Variants in KHDC4 observed in about 807,000 individuals in gnomAD.
The protein encoded by KHDC4 is KH homology domain-containing protein 4.
Under a neutral mutation model 74.5 loss-of-function variants are expected in KHDC4, and 19 were observed. The observed-to-expected ratio is 0.26, with a 90% confidence interval of 0.18 to 0.37. The LOEUF is 0.37. Ranked by LOEUF, KHDC4 falls within the 10% of genes least tolerant of loss-of-function variation. The pLI is 1.00. For missense variants in KHDC4, 632 were observed against 754.1 expected (o/e 0.84, Z 1.90); for synonymous variants, 253 against 266.1 (o/e 0.95, Z 0.48).
chr1:155,933,933 T>C, intron 1 of KHDC4, 84 bp from the exon 2 acceptor site: 1 of 1,103,958 alleles, frequency 9.1e-7, no homozygotes, highest in South Asian at 1.7e-5. Context: ...CACCCCATTT[T>C]CCCTCTATTA....
chr1:155,931,915 T>C (rs1018265739), intron 2 of KHDC4, among the ~76,000 whole-genome samples: 1 of 152,216 alleles, frequency 6.6e-6, no homozygotes, highest in Non-Finnish European at 1.5e-5. Flanking sequence ...ATAGTACTTA[T>C]CAATGTTGTC....
At chr1:155,924,914 A>G (rs1244972445) in intron 7 of KHDC4, among the ~76,000 whole-genome samples, 1 of 151,328 alleles carries the variant, frequency 6.6e-6, no homozygotes, top group African/African-American at 2.4e-5. Context: ...CCCAGTCTGG[A>G]GTGCAGTGGT....
chr1:155,923,529 A>C, intron 8 of KHDC4, 98 bp downstream of exon 8: 1 of 845,944 alleles, frequency 1.2e-6, no homozygotes, highest in Non-Finnish European at 2.0e-6. Flanking sequence ...AACTTGTTAT[A>C]GCAGTACTAG....
At chr1:155,933,574 G>C in intron 2 of KHDC4, 59 bp downstream of exon 2, 1 of 1,398,480 alleles carries the variant, frequency 7.2e-7, no homozygotes, top group Non-Finnish European at 9.8e-7. Flanking sequence ...GTAAGCCACC[G>C]CGCCCGGCAA....
intron 10 of KHDC4, among the ~76,000 whole-genome samples, chr1:155,918,461 G>C (rs1451474752): frequency 6.6e-6 from 1 of 152,096 alleles, no homozygotes; most frequent in Non-Finnish European, 1.5e-5. Context: ...TTACAGGTGT[G>C]AGCCACTACG....
chr1:155,933,914 A>C, intron 1 of KHDC4, 65 bp from the exon 2 acceptor site: 1 of 1,259,014 alleles, frequency 7.9e-7, no homozygotes, highest in Admixed American at 2.9e-5. Flanking sequence ...TTTCCTTACT[A>C]CGCCTTAGCA....
intron 4 of KHDC4, among the ~76,000 whole-genome samples, chr1:155,928,142 G>T (rs1287228601): frequency 1.3e-5 from 2 of 152,146 alleles, no homozygotes; most frequent in Non-Finnish European, 2.9e-5. Context: ...GGAGGCCGAG[G>T]CAGGGGAACC....
At chr1:155,926,905 T>C in intron 5 of KHDC4, 66 bp from the exon 6 acceptor site, 1 of 1,559,888 alleles carries the variant, frequency 6.4e-7, no homozygotes, top group Non-Finnish European at 8.8e-7. Flanking sequence ...AGGCCAGTGT[T>C]CAATTATTCA....
intron 6 of KHDC4, chr1:155,926,220 G>A (rs746808572): frequency 6.8e-5 from 27 of 399,296 alleles, no homozygotes; most frequent in East Asian, 2.0e-4. Flanking sequence ...TCATTATACC[G>A]TGGAGAGCTG....
In KHDC4 at chr1:155,913,891, C is replaced by T. The variant is rs1673678041; in HGVS notation, c.*230G>A. Reference sequence around the variant, plus strand: ...CATTTCACCAACTGTTAAAAAGCTTCTGAGATAAATTTGTGATTCTAATTA... The same window carrying T: ...CATTTCACCAACTGTTAAAAAGCTTTTGAGATAAATTTGTGATTCTAATTA... On this transcript the variant is annotated 3_prime_UTR_variant, in exon 14 of 14. Coordinates refer to ENST00000368321, the MANE Select transcript of KHDC4 (RefSeq NM_014949.4). The T allele has an allele frequency of 7.5e-6, 4 of 534,158 alleles. No individual in the cohort carries two copies. The East Asian group carries it at 9.4e-5, about 13-fold the overall frequency. 33.1% of individuals were successfully genotyped at this position (534,158 alleles called of 1,614,324 possible).
intron 11 of KHDC4, 125 bp from the exon 12 acceptor site, chr1:155,916,862 G>T: frequency 1.5e-6 from 1 of 646,662 alleles, no homozygotes; most frequent in Non-Finnish European, 2.7e-6. Context: ...CTACTACAAA[G>T]CTCTTTGGGA....
chr1:155,927,992 C>A (rs1440250056), intron 4 of KHDC4, among the ~76,000 whole-genome samples: 2 of 151,868 alleles, frequency 1.3e-5, no homozygotes, highest in East Asian at 3.9e-4. Context: ...GATCAATAAC[C>A]ATATATAGTT....
At chr1:155,916,354 T>G (rs1261787028) in intron 12 of KHDC4, among the ~76,000 whole-genome samples, 5 of 152,158 alleles carry the variant, frequency 3.3e-5, no homozygotes, top group Admixed American at 3.3e-4. Context: ...TGTCTACCCT[T>G]AGGAAAATGG....
At chr1:155,930,553 A>C (rs1674119441) in intron 2 of KHDC4, among the ~76,000 whole-genome samples, 1 of 152,198 alleles carries the variant, frequency 6.6e-6, no homozygotes, top group African/African-American at 2.4e-5. Context: ...CTGTACATGG[A>C]GTAAAACACA....
At position 155,927,832 on chromosome 1, in the gene KHDC4, C is replaced by A. The variant is rs966411057; in HGVS notation, c.465-676G>T. On this transcript the variant is annotated intron_variant, in intron 4 of 13. Coordinates refer to ENST00000368321, the MANE Select transcript of KHDC4 (RefSeq NM_014949.4). Reference sequence around the variant, plus strand: ...AAAAAAAAAAAAAAAAAAAAAAAAACCACACACACACACACACACACACAC... The same window carrying A: ...AAAAAAAAAAAAAAAAAAAAAAAAAACACACACACACACACACACACACAC... Among the ~76,000 whole-genome samples the A allele has an allele frequency of 4.9e-4, 45 of 90,928 alleles. 2 individuals carry two copies. Among genetic ancestry groups the A allele is most frequent in the African/African-American group, 2.1e-3 (40 of 19,220 alleles). 59.7% of individuals were successfully genotyped at this position (90,928 alleles called of 152,430 possible). A position where few individuals can be genotyped will look rare whatever the true frequency, so the allele number is the denominator to read the frequency against.
chr1:155,934,218 G>T (rs1190203049), intron 1 of KHDC4, 118 bp downstream of exon 1: 1 of 1,106,714 alleles, frequency 9.0e-7, no homozygotes, highest in Non-Finnish European at 1.3e-6. Flanking sequence ...CTCCCCAAAC[G>T]TCCAGCCCTT....
chr1:155,913,048 T>C lies in KHDC4; in HGVS notation c.*1073A>G, dbSNP rs1315406837. On this transcript the variant is annotated 3_prime_UTR_variant, in exon 14 of 14. Coordinates refer to ENST00000368321, the MANE Select transcript of KHDC4 (RefSeq NM_014949.4). ...GAAAACAGAGAAACCACAAGCAGAATATTTATAGATTTATTTATAATGAAA... is the reference window on the plus strand; with the variant it reads ...GAAAACAGAGAAACCACAAGCAGAACATTTATAGATTTATTTATAATGAAA... 6.6e-6 allele frequency: 1 copy of C among 152,606 alleles called. No homozygotes were observed. Among genetic ancestry groups the C allele is most frequent in the Non-Finnish European group, 1.5e-5 (1 of 68,034 alleles). The allele number at this position is 152,606 out of a possible 1,614,324, so 9.5% of individuals were successfully genotyped here.
intron 2 of KHDC4, chr1:155,932,684 C>G (rs879868346): frequency 2.0e-5 from 3 of 152,054 alleles, no homozygotes; most frequent in Non-Finnish European, 2.9e-5. Context: ...CAATAGGCTG[C>G]GCCTGGTGGC....
Position 155,913,433 on chromosome 1 carries a change from C to G in KHDC4, c.*688G>C, listed in dbSNP as rs1401208948. 1 of 152,354 alleles carries G rather than the reference C, an allele frequency of 6.6e-6. No homozygotes were observed. The highest frequency in any genetic ancestry group is 1.9e-4 in the East Asian group (1 of 5,344). The allele number at this position is 152,354 out of a possible 1,614,324, so 9.4% of individuals were successfully genotyped here. A position where few individuals can be genotyped will look rare whatever the true frequency, so the allele number is the denominator to read the frequency against. On this transcript the variant is annotated 3_prime_UTR_variant, in exon 14 of 14. Coordinates refer to ENST00000368321, the MANE Select transcript of KHDC4 (RefSeq NM_014949.4). ...AGTCAAGAAGTTTTCTCTGACCCAGCTGAAGACAGGATCTTAGAAGGGCAA... is the reference window on the plus strand; with the variant it reads ...AGTCAAGAAGTTTTCTCTGACCCAGGTGAAGACAGGATCTTAGAAGGGCAA...
Sources: gnomAD v4.1 joint callset for allele counts (sites outside exome capture counted in the v4.1 genomes callset) on GRCh38, gnomAD v4.1.1 for gene constraint, MANE v1.5 for transcripts, NCBI Gene and HGNC (gene_info 2026-07-23, HGNC 2026-07-21) for gene names.